PTPRM: variants seen among roughly 807,000 people sequenced by gnomAD.
PTPRM encodes the protein receptor-type tyrosine-protein phosphatase mu.
A neutral mutation model predicts 186.7 loss-of-function variants in PTPRM; 47 were observed. The observed-to-expected ratio is 0.25, with a 90% CI of 0.20 to 0.32. The LOEUF (loss-of-function observed/expected upper bound fraction) is 0.32, where lower values mean the gene tolerates loss of function less well. Ranked by LOEUF, PTPRM falls within the 10% of genes least tolerant of loss-of-function variation. PTPRM has a pLI of 1.00. For synonymous variants in PTPRM, 668 were observed against 674.9 expected (o/e 0.99, Z 0.16); for missense variants, 1,494 against 1,865.0 (o/e 0.80, Z 3.66).
chr18:7,797,744 A>T (rs553785038), intron 2 of PTPRM, among the ~76,000 whole-genome samples: 5 of 151,704 alleles, frequency 3.3e-5, no homozygotes, highest in Admixed American at 2.6e-4. Context: ...TTCCTAGAAG[A>T]TTGTCTTTTT....
chr18:7,583,217 T>A (rs559445717), intron 1 of PTPRM, among the ~76,000 whole-genome samples: 1 of 152,232 alleles, frequency 6.6e-6, no homozygotes, highest in Non-Finnish European at 1.5e-5. Flanking sequence ...CCTGGTTTCC[T>A]AGAAATAAGG....
intron 1 of PTPRM, among the ~76,000 whole-genome samples, chr18:7,580,260 T>C (rs575253058): frequency 1.6e-4 from 25 of 152,294 alleles, no homozygotes; most frequent in South Asian, 8.3e-4. Context: ...TAGGTGAGCA[T>C]GGGAGACATG....
chr18:8,008,123 C>T (rs990885548), intron 7 of PTPRM, among the ~76,000 whole-genome samples: 15 of 152,114 alleles, frequency 9.9e-5, no homozygotes, highest in African/African-American at 3.4e-4. Flanking sequence ...AATGGAAAAT[C>T]GACTGAAGTG....
At chr18:8,242,816 G>A (rs1011452178) in intron 14 of PTPRM, among the ~76,000 whole-genome samples, 1 of 152,170 alleles carries the variant, frequency 6.6e-6, no homozygotes, top group Non-Finnish European at 1.5e-5. Context: ...GCCTTACATT[G>A]CATTAGCAAT....
At chr18:8,124,973 C>T (rs8099072) in intron 13 of PTPRM, among the ~76,000 whole-genome samples, 7,934 of 152,056 alleles carry the variant, frequency 0.052, 571 homozygotes, top group African/African-American at 0.17. Context: ...TGTACTGGTA[C>T]GTGGTGCTTG....
chr18:7,765,648 T>C (rs1158581983), intron 1 of PTPRM, among the ~76,000 whole-genome samples: 1 of 152,204 alleles, frequency 6.6e-6, no homozygotes, highest in Non-Finnish European at 1.5e-5. Context: ...AGTTTTAAAT[T>C]TGAGATAAAT....
chr18:7,842,455 T>C (rs2046371292), intron 2 of PTPRM, among the ~76,000 whole-genome samples: 1 of 152,204 alleles, frequency 6.6e-6, no homozygotes, highest in Non-Finnish European at 1.5e-5. Context: ...TAGTGGTGCC[T>C]AGTTGTTTGG....
At position 7,597,467 on chromosome 18, in the gene PTPRM, A is replaced by C. The variant is rs1035471831; in HGVS notation, c.73+29576A>C. On this transcript the variant is annotated intron_variant, in intron 1 of 32. Transcript: ENST00000580170. Reference sequence around the variant, plus strand: ...TTGACTTACTAGAGTCAGTTTTGTTACTCTCTTTGGCATGGGAATTTAATT... The same window carrying C: ...TTGACTTACTAGAGTCAGTTTTGTTCCTCTCTTTGGCATGGGAATTTAATT... Among the ~76,000 whole-genome samples, 3 of 151,926 alleles carry C rather than the reference A, an allele frequency of 2.0e-5. No individual in the cohort carries two copies. In the East Asian group the frequency reaches 5.8e-4, roughly 29 times the overall value.
intron 30 of PTPRM, among the ~76,000 whole-genome samples, chr18:8,386,341 G>A (rs981391450): frequency 6.6e-6 from 1 of 152,112 alleles, no homozygotes; most frequent in Non-Finnish European, 1.5e-5. Flanking sequence ...GAGCCTGGGG[G>A]CTTCTGTCAG....
At position 7,738,050 on chromosome 18, in the gene PTPRM, A is replaced by G. The variant is rs755273470; in HGVS notation, c.74-36099A>G. Among the ~76,000 whole-genome samples, 5 of 152,174 alleles carry G rather than the reference A, an allele frequency of 3.3e-5. No individual in the cohort carries two copies. The South Asian group carries it at 6.2e-4, about 19-fold the overall frequency. On this transcript the variant is annotated intron_variant, in intron 1 of 32. Transcript: ENST00000580170. Reference sequence around the variant, plus strand: ...CTTAGAGTGATCTTTTTCCATAGACATAGAGTTTTATCATTCATTCCTTTG... The same window carrying G: ...CTTAGAGTGATCTTTTTCCATAGACGTAGAGTTTTATCATTCATTCCTTTG...
At chr18:8,102,919 G>T (rs1450128033) in intron 11 of PTPRM, among the ~76,000 whole-genome samples, 1 of 152,156 alleles carries the variant, frequency 6.6e-6, no homozygotes, top group African/African-American at 2.4e-5. Context: ...CTGCAAAATG[G>T]ATGTCATGTT....
chr18:8,299,495 G>A (rs1280473725), intron 20 of PTPRM, among the ~76,000 whole-genome samples: 1 of 151,848 alleles, frequency 6.6e-6, no homozygotes, highest in African/African-American at 2.4e-5. Flanking sequence ...GCTGAGGCAA[G>A]AGAATTGCTT....
At chr18:8,276,132 G>C (rs1445422958) in intron 19 of PTPRM, among the ~76,000 whole-genome samples, 2 of 152,014 alleles carry the variant, frequency 1.3e-5, no homozygotes, top group East Asian at 1.9e-4. Flanking sequence ...CTCAACTCCT[G>C]CCTCCTCCTT....
At chr18:8,306,394 G>A (rs1042144891) in intron 20 of PTPRM, among the ~76,000 whole-genome samples, 1 of 152,168 alleles carries the variant, frequency 6.6e-6, no homozygotes, top group Non-Finnish European at 1.5e-5. Flanking sequence ...CATGGTCTTG[G>A]ACACCAAAGC....
At chr18:8,072,967 A>G (rs1172290489) in intron 8 of PTPRM, among the ~76,000 whole-genome samples, 6 of 152,170 alleles carry the variant, frequency 3.9e-5, no homozygotes. Flanking sequence ...CTGAATCCCC[A>G]TTAGGGTTTC....
chr18:7,708,907 A>G (rs1323940361), intron 1 of PTPRM, among the ~76,000 whole-genome samples: 45 of 152,178 alleles, frequency 3.0e-4, no homozygotes, highest in Admixed American at 2.9e-3. Context: ...CTAAACTATT[A>G]TAGAGTGTTG....
chr18:7,772,343 T>TTC (rs1177822787), intron 1 of PTPRM, among the ~76,000 whole-genome samples: 105 of 134,366 alleles, frequency 7.8e-4, no homozygotes, highest in African/African-American at 2.5e-3. Flanking sequence ...TTTTCTTTCT[T>TTC]TCTTTCTCTT....
chr18:7,640,175 T>A (rs2038412353), intron 1 of PTPRM, among the ~76,000 whole-genome samples: 1 of 152,186 alleles, frequency 6.6e-6, no homozygotes, highest in South Asian at 2.1e-4. Context: ...TAAAATATTA[T>A]ATAATTTATT....
At chr18:7,895,910 TA>T (rs1353119805) in intron 3 of PTPRM, among the ~76,000 whole-genome samples, 1 of 152,138 alleles carries the variant, frequency 6.6e-6, no homozygotes, top group African/African-American at 2.4e-5. Flanking sequence ...CTTAGCAGAG[TA>T]AAGTGTTCTT....
Sources: allele counts gnomAD v4.1 joint callset (sites outside exome capture counted in the v4.1 genomes callset), GRCh38; gene constraint gnomAD v4.1.1; transcripts MANE v1.5; gene names NCBI Gene and HGNC (gene_info 2026-07-23, HGNC 2026-07-21).